The following MYO9B variants were observed in gnomAD, a reference collection of about 807,000 sequenced individuals.
MYO9B encodes the protein unconventional myosin-IXb.
A neutral mutation model predicts 229.5 loss-of-function variants in MYO9B; 71 were observed. The observed-to-expected ratio is 0.31, with a 90% confidence interval of 0.26 to 0.38. The LOEUF (loss-of-function observed/expected upper bound fraction) is 0.38, where lower values mean the gene tolerates loss of function less well. Ranked by LOEUF, MYO9B falls within the 10% of genes least tolerant of loss-of-function variation. MYO9B has a pLI of 1.00. For synonymous variants in MYO9B, 1,185 were observed against 1,235.8 expected, an observed-to-expected ratio of 0.96 and a Z score of 0.86; for missense variants, 2,255 against 2,920.5, an observed-to-expected ratio of 0.77 and a Z score of 5.25.
At chr19:17,206,400 G>A (rs2073162981) in intron 33 of MYO9B, 24 bp downstream of exon 33, 1 of 1,604,076 alleles carries the variant, frequency 6.2e-7, no homozygotes, top group Non-Finnish European at 8.5e-7. Context: ...CGGTGCGGGT[G>A]GCAGCAGGTG....
rs75184921 is a variant in MYO9B, at chr19:17,205,347, G to T, written c.5064+11G>T. On this transcript the variant is annotated intron_variant, in intron 31 of 39. Coordinates refer to ENST00000682292, the MANE Select transcript of MYO9B (RefSeq NM_004145.4). ...ACCTACGGGAGGAAGGTGAGTGTAC[G>T]AGGCCTGGAACTTTCTACAATGACA... 2.5e-6 allele frequency: 4 copies of T among 1,612,408 alleles called. No homozygotes were observed. Among genetic ancestry groups the T allele is most frequent in the Non-Finnish European group, 2.5e-6 (3 of 1,178,770 alleles).
intron 2 of MYO9B, among the ~76,000 whole-genome samples, chr19:17,133,085 A>G (rs1385531196): frequency 6.6e-6 from 1 of 151,478 alleles, no homozygotes; most frequent in African/African-American, 2.4e-5. Context: ...TGACCTTGTG[A>G]TCCGCCTGTC....
chr19:17,210,225 T>C (rs754428516), intron 36 of MYO9B, 108 bp from the exon 37 acceptor site: 19 of 1,167,088 alleles, frequency 1.6e-5, no homozygotes, highest in Non-Finnish European at 2.1e-5. Flanking sequence ...TGGGCTCCTG[T>C]GGGAACCAGG....
intron 2 of MYO9B, among the ~76,000 whole-genome samples, chr19:17,112,243 C>T (rs2057854238): frequency 1.3e-5 from 2 of 152,174 alleles, no homozygotes; most frequent in Non-Finnish European, 2.9e-5. Context: ...CAGCAGGCTG[C>T]TTCGGGCGTG....
At chr19:17,142,545 C>A (rs555977414) in intron 2 of MYO9B, among the ~76,000 whole-genome samples, 17 of 152,196 alleles carry the variant, frequency 1.1e-4, no homozygotes, top group African/African-American at 4.1e-4. Context: ...CTTCCACATA[C>A]CCTGCCTTGT....
At chr19:17,114,910 C>T (rs1470047538) in intron 2 of MYO9B, among the ~76,000 whole-genome samples, 1 of 150,290 alleles carries the variant, frequency 6.7e-6, no homozygotes, top group East Asian at 1.9e-4. Context: ...TTGGTTCCCC[C>T]AGTTGCTTTT....
intron 4 of MYO9B, 104 bp from the exon 5 acceptor site, chr19:17,153,863 C>A: frequency 1.2e-6 from 1 of 800,064 alleles, no homozygotes; most frequent in Non-Finnish European, 2.2e-6. Context: ...TAAATTTGTA[C>A]ATATTTGAGG....
Position 17,175,734 on chromosome 19 carries a change from C to T in MYO9B, c.2212C>T (p.Leu738Phe). ...PRGASTPSEK[L>F]YRDLHNQMIK... ...AGGAGCCAGCACCCCTTCGGAAAAA[C>T]TTTACCGGTGAGCAAGACCCTGATT... Residue 738 changes from leucine (L) to phenylalanine (F), a missense_variant, in exon 14 of 40, where the codon CTT (leucine) becomes TTT (phenylalanine). Coordinates refer to ENST00000682292, the MANE Select transcript of MYO9B (RefSeq NM_004145.4). 1 of 1,573,004 alleles carries T rather than the reference C, an allele frequency of 6.4e-7. No individual in the cohort carries two copies.
Position 17,172,201 on chromosome 19 carries a change from G to A in MYO9B, c.1794-135G>A, listed in dbSNP as rs1012475460. The A allele has an allele frequency of 3.6e-5, 40 of 1,126,164 alleles. No individual in the cohort carries two copies. The highest frequency in any genetic ancestry group is 4.7e-5 in the Non-Finnish European group (38 of 800,098). The allele number at this position is 1,126,164 out of a possible 1,614,324, so 69.8% of individuals were successfully genotyped here. ...CTTCACCCACCCCTCTGTGCACAGA[G>A]CCCTGTGCCACTTCACTGCTCTGCC... On this transcript the variant is annotated intron_variant, in intron 11 of 39. Coordinates refer to ENST00000682292, the MANE Select transcript of MYO9B (RefSeq NM_004145.4). The surrounding 1 kb of genome is among the most constrained non-coding windows in gnomAD (Gnocchi z 8.2).
At chr19:17,120,082 G>C (rs934438946) in intron 2 of MYO9B, among the ~76,000 whole-genome samples, 5 of 151,652 alleles carry the variant, frequency 3.3e-5, no homozygotes, top group Non-Finnish European at 7.4e-5. Context: ...GAGGATTGCA[G>C]GCCCATGATA....
chr19:17,185,743 C>T (rs1012059522), intron 17 of MYO9B, among the ~76,000 whole-genome samples, 178 bp from the exon 18 acceptor site: 4 of 152,054 alleles, frequency 2.6e-5, no homozygotes, highest in Non-Finnish European at 5.9e-5. Flanking sequence ...CCAGGGATAG[C>T]GCAGGCTTGG....
At position 17,181,989 on chromosome 19, in the gene MYO9B, C is replaced by A. The variant is rs544851241; in HGVS notation, c.2333+949C>A. ...ATGGGGTTTCACCATGTTGGCCAGGCTAGTCTTGAACTCTTGACCTCAGGT... is the reference window on the plus strand; with the variant it reads ...ATGGGGTTTCACCATGTTGGCCAGGATAGTCTTGAACTCTTGACCTCAGGT... On this transcript the variant is annotated intron_variant, in intron 15 of 39. Transcript: ENST00000682292. Among the ~76,000 whole-genome samples, 65 of 151,690 alleles carry A rather than the reference C, an allele frequency of 4.3e-4. 1 individual carries two copies. In the South Asian group the frequency reaches 0.013, roughly 30 times the overall value.
At chr19:17,161,693 G>C (rs912709192) in intron 8 of MYO9B, among the ~76,000 whole-genome samples, 1 of 152,118 alleles carries the variant, frequency 6.6e-6, no homozygotes, top group Non-Finnish European at 1.5e-5. Flanking sequence ...GTGCGTGCCT[G>C]TAATCCCAGC....
At chr19:17,161,191 T>G (rs899974785) in intron 8 of MYO9B, among the ~76,000 whole-genome samples, 1 of 152,118 alleles carries the variant, frequency 6.6e-6, no homozygotes, top group African/African-American at 2.4e-5. Flanking sequence ...TTGCTGGTTC[T>G]ACCACAGTCG....
intron 10 of MYO9B, 104 bp from the exon 11 acceptor site, chr19:17,167,839 C>T: frequency 1.4e-6 from 2 of 1,428,822 alleles, no homozygotes; most frequent in East Asian, 5.1e-5. Context: ...TGAAGCATTT[C>T]AGATTTTCGG....
At chr19:17,199,303 C>G (rs1259474186) in intron 24 of MYO9B, among the ~76,000 whole-genome samples, 1 of 152,086 alleles carries the variant, frequency 6.6e-6, no homozygotes, top group Non-Finnish European at 1.5e-5. Context: ...GGATCATGCT[C>G]GTGAGGCCAG....
Position 17,209,716 on chromosome 19 carries a change from A to G in MYO9B, c.5748+7A>G, listed in dbSNP as rs781364139. ...GCTCCTGCGACAAAATGCTGTGAGT[A>G]CCGGTGATCGTGGGGGCGGGACCTC... On this transcript the variant is annotated splice_region_variant and intron_variant, in intron 36 of 39. Transcript: ENST00000682292. 6 of 1,611,582 alleles carry G rather than the reference A, an allele frequency of 3.7e-6. No individual in the cohort carries two copies. The African/African-American group carries it at 8.0e-5, about 22-fold the overall frequency.
chr19:17,150,054 G>T (rs1441185066), intron 3 of MYO9B, among the ~76,000 whole-genome samples: 1 of 152,214 alleles, frequency 6.6e-6, no homozygotes, highest in Non-Finnish European at 1.5e-5. Context: ...AGAGGACCCA[G>T]GCTGGGCCAT....
intron 2 of MYO9B, among the ~76,000 whole-genome samples, chr19:17,140,730 C>T (rs1456159676): frequency 1.3e-5 from 2 of 151,388 alleles, no homozygotes; most frequent in African/African-American, 2.4e-5. Context: ...TCAGGTGATC[C>T]GCCTGCCTCG....
Sources: gnomAD v4.1 joint callset for allele counts (sites outside exome capture counted in the v4.1 genomes callset) on GRCh38, gnomAD v4.1.1 for gene constraint, Gnocchi (gnomAD v3.1) non-coding constraint, MANE v1.5 for transcripts, NCBI Gene and HGNC (gene_info 2026-07-23, HGNC 2026-07-21) for gene names.